The following NKAIN2 variants were observed in gnomAD, a reference collection of about 807,000 sequenced individuals.
NKAIN2 encodes sodium/potassium transporting ATPase interacting 2.
Under a neutral mutation model 32.6 loss-of-function variants are expected in NKAIN2, and 14 were observed. The ratio of observed to expected loss-of-function variants is 0.43; its 90% confidence interval spans 0.28 to 0.67. NKAIN2 has a LOEUF of 0.67. NKAIN2 is among the 30% of genes least tolerant of loss of function. NKAIN2 has a pLI of 0.17. For missense variants in NKAIN2, 198 were observed against 258.3 expected (o/e 0.77, Z 1.60); for synonymous variants, 80 against 87.2 (o/e 0.92, Z 0.46).
At chr6:124,019,695 A>G (rs1780776624) in intron 1 of NKAIN2, among the ~76,000 whole-genome samples, 1 of 152,142 alleles carries the variant, frequency 6.6e-6, no homozygotes, top group African/African-American at 2.4e-5. Flanking sequence ...AAGTGTGTAT[A>G]TTTAGAGGGA....
chr6:124,007,239 A>G (rs1780115478), intron 1 of NKAIN2, among the ~76,000 whole-genome samples: 1 of 152,196 alleles, frequency 6.6e-6, no homozygotes, highest in Non-Finnish European at 1.5e-5. Flanking sequence ...ATTATAGTCT[A>G]TGGGACCACC....
At chr6:124,572,391 C>T (rs940855941) in intron 3 of NKAIN2, among the ~76,000 whole-genome samples, 6 of 152,092 alleles carry the variant, frequency 3.9e-5, no homozygotes, top group African/African-American at 1.2e-4. Flanking sequence ...ACTAAATTAT[C>T]GTGAGAAGAA....
At chr6:124,234,815 G>A (rs566614817) in intron 1 of NKAIN2, among the ~76,000 whole-genome samples, 2 of 152,174 alleles carry the variant, frequency 1.3e-5, no homozygotes, top group East Asian at 1.9e-4. Context: ...AAGTTGTATC[G>A]ATACTTTGTT....
intron 1 of NKAIN2, among the ~76,000 whole-genome samples, chr6:124,197,370 A>G (rs1358530699): frequency 1.3e-5 from 2 of 151,912 alleles, no homozygotes; most frequent in Non-Finnish European, 2.9e-5. Flanking sequence ...TCGACAGTCA[A>G]TACAGTTTGT....
At chr6:124,513,250 CCTTA>C (rs1327359311) in intron 3 of NKAIN2, among the ~76,000 whole-genome samples, 2 of 152,086 alleles carry the variant, frequency 1.3e-5, no homozygotes, top group Admixed American at 1.3e-4. Flanking sequence ...TTCATATTAA[CCTTA>C]CTTATATTTT....
At chr6:124,247,704 A>G (rs1465818703) in intron 1 of NKAIN2, among the ~76,000 whole-genome samples, 1 of 152,254 alleles carries the variant, frequency 6.6e-6, no homozygotes, top group South Asian at 2.1e-4. Context: ...TTGCCTAGAC[A>G]TAGAATATAA....
chr6:124,384,326 A>G (rs1262271664), intron 3 of NKAIN2, among the ~76,000 whole-genome samples: 1 of 152,134 alleles, frequency 6.6e-6, no homozygotes, highest in Non-Finnish European at 1.5e-5. Flanking sequence ...GCAGCAATCT[A>G]AAAAAGCTGA....
chr6:123,933,612 G>A (rs1776365881), intron 1 of NKAIN2, among the ~76,000 whole-genome samples: 1 of 152,172 alleles, frequency 6.6e-6, no homozygotes, highest in South Asian at 2.1e-4. Context: ...CAGAAAAGTA[G>A]CGTGAGCAAG....
chr6:124,417,065 G>T (rs1265673208), intron 3 of NKAIN2, among the ~76,000 whole-genome samples: 2 of 152,132 alleles, frequency 1.3e-5, no homozygotes, highest in Non-Finnish European at 2.9e-5. Context: ...TTCAATTAAA[G>T]AAATCACTTA....
At chr6:124,737,525 T>A (rs796160536) in intron 4 of NKAIN2, among the ~76,000 whole-genome samples, 23 of 151,942 alleles carry the variant, frequency 1.5e-4, no homozygotes, top group African/African-American at 5.3e-4. Flanking sequence ...CCGGGAGTGC[T>A]GCTATGAAGA....
intron 4 of NKAIN2, among the ~76,000 whole-genome samples, chr6:124,751,390 G>C (rs567420710): frequency 4.2e-4 from 64 of 152,064 alleles, no homozygotes; most frequent in African/African-American, 1.4e-3. Flanking sequence ...GGTGTTAGGA[G>C]CCTAGAGTCA....
chr6:124,543,304 A>G (rs991958220), intron 3 of NKAIN2, among the ~76,000 whole-genome samples: 4 of 152,170 alleles, frequency 2.6e-5, no homozygotes, highest in Non-Finnish European at 4.4e-5. Context: ...ACCTAGCCAA[A>G]TAATTAATAC....
At chr6:124,809,820 G>A (rs573467361) in intron 5 of NKAIN2, among the ~76,000 whole-genome samples, 38 of 152,124 alleles carry the variant, frequency 2.5e-4, no homozygotes, top group South Asian at 6.2e-4. Context: ...AAAAGTGGGC[G>A]AAGGACATGA....
At chr6:124,168,160 G>T (rs954044569) in intron 1 of NKAIN2, among the ~76,000 whole-genome samples, 1 of 152,052 alleles carries the variant, frequency 6.6e-6, no homozygotes, top group Non-Finnish European at 1.5e-5. Context: ...TTTTATAATA[G>T]TGCACAAGTT....
chr6:124,810,990 T>C (rs1780881124), intron 5 of NKAIN2, among the ~76,000 whole-genome samples: 1 of 151,676 alleles, frequency 6.6e-6, no homozygotes, highest in Non-Finnish European at 1.5e-5. Flanking sequence ...GTTCACACAG[T>C]CAGCTTGAAT....
intron 3 of NKAIN2, among the ~76,000 whole-genome samples, chr6:124,586,528 C>T (rs1781716126): frequency 6.6e-6 from 1 of 151,840 alleles, no homozygotes; most frequent in Admixed American, 6.6e-5. Context: ...AATCCGCACA[C>T]CAAACCCTCA....
chr6:124,021,250 T>C (rs1780852060), intron 1 of NKAIN2, among the ~76,000 whole-genome samples: 1 of 152,108 alleles, frequency 6.6e-6, no homozygotes, highest in African/African-American at 2.4e-5. Flanking sequence ...CACGTAACAA[T>C]ATATAGCATG....
intron 3 of NKAIN2, among the ~76,000 whole-genome samples, chr6:124,518,796 G>A (rs938775544): frequency 4.6e-5 from 7 of 152,114 alleles, no homozygotes; most frequent in South Asian, 2.1e-4. Flanking sequence ...GCCACTGATC[G>A]TTTTGACTAT....
intron 1 of NKAIN2, among the ~76,000 whole-genome samples, chr6:124,113,294 T>C (rs910062632): frequency 1.3e-5 from 2 of 152,186 alleles, no homozygotes; most frequent in Non-Finnish European, 2.9e-5. Context: ...CCACTGTTTC[T>C]ATTTTTCCTC....
Sources: allele counts gnomAD v4.1 joint callset (sites outside exome capture counted in the v4.1 genomes callset), GRCh38; gene constraint gnomAD v4.1.1; transcripts MANE v1.5; gene names NCBI Gene and HGNC (gene_info 2026-07-23, HGNC 2026-07-21).